The following GDPD5 variants were observed in gnomAD, a reference collection of about 807,000 sequenced individuals.
GDPD5 encodes glycerophosphodiester phosphodiesterase 2.
In GDPD5, 48 loss-of-function variants were observed where a neutral mutation model predicts 75.1. That is an observed-to-expected ratio of 0.64 (90% confidence interval 0.51 to 0.81). GDPD5 has a LOEUF of 0.81. Among genes scored for constraint, GDPD5 ranks in the 40% least tolerant of loss-of-function variants. The pLI is 0.00. For synonymous variants in GDPD5, 336 were observed against 339.0 expected, an observed-to-expected ratio of 0.99 and a Z score of 0.10; for missense variants, 706 against 822.6, an observed-to-expected ratio of 0.86 and a Z score of 1.73.
At chr11:75,476,343 C>G (rs1008616748) in intron 3 of GDPD5, among the ~76,000 whole-genome samples, 1 of 151,784 alleles carries the variant, frequency 6.6e-6, no homozygotes, top group Non-Finnish European at 1.5e-5. Context: ...CATCACATGT[C>G]ATGGCCCAGC....
chr11:75,511,384 T>C (rs1218541181), intron 1 of GDPD5, among the ~76,000 whole-genome samples: 2 of 152,198 alleles, frequency 1.3e-5, no homozygotes, highest in Non-Finnish European at 2.9e-5. Flanking sequence ...AGGAGTTGCA[T>C]GTTCAAATAA....
intron 6 of GDPD5, chr11:75,450,922 A>T (rs957111337): frequency 6.6e-6 from 1 of 151,360 alleles, no homozygotes; most frequent in Admixed American, 6.6e-5. Context: ...GTTTCTCCAG[A>T]CTCGTCTCCC....
chr11:75,524,645 A>G (rs565041212), intron 1 of GDPD5, among the ~76,000 whole-genome samples: 78 of 152,312 alleles, frequency 5.1e-4, no homozygotes, highest in Middle Eastern at 3.4e-3. Flanking sequence ...CAGGACCTCC[A>G]GAGTGTCTTA....
At chr11:75,472,181 G>T (rs781138043) in intron 3 of GDPD5, among the ~76,000 whole-genome samples, 1 of 152,018 alleles carries the variant, frequency 6.6e-6, no homozygotes, top group Non-Finnish European at 1.5e-5. Flanking sequence ...CCACAAGCAA[G>T]CTCAGGCCCA....
chr11:75,473,607 C>T lies in GDPD5; in HGVS notation c.117+4012G>A, dbSNP rs889420596. ...CAATTTGACCACAGTGTTCCTCACACAGCCCGAGCCTGGCTCAGGCCCCCG... is the reference window on the plus strand; with the variant it reads ...CAATTTGACCACAGTGTTCCTCACATAGCCCGAGCCTGGCTCAGGCCCCCG... On this transcript the variant is annotated intron_variant, in intron 3 of 16. Transcript: ENST00000336898. Among the ~76,000 whole-genome samples, 4 of 152,190 alleles carry T rather than the reference C, an allele frequency of 2.6e-5. No individual in the cohort carries two copies. In the East Asian group the frequency reaches 7.7e-4, roughly 29 times the overall value.
intron 9 of GDPD5, among the ~76,000 whole-genome samples, chr11:75,447,245 C>A (rs1206321398): frequency 6.6e-6 from 1 of 152,146 alleles, no homozygotes; most frequent in African/African-American, 2.4e-5. Flanking sequence ...TGCTGTGGAC[C>A]ACATTTGGAT....
At position 75,491,770 on chromosome 11, in the gene GDPD5, T is replaced by C. The variant is rs1156798912; in HGVS notation, c.-144-1450A>G. On this transcript the variant is annotated intron_variant, in intron 1 of 16. Coordinates refer to ENST00000336898, the MANE Select transcript of GDPD5 (RefSeq NM_030792.8). ...AATGTGGGGATTAAATTAGTTACCA[T>C]ATGTAAAACACTTAAAGTGACTATT... 3.3e-5 allele frequency among the ~76,000 whole-genome samples: 5 copies of C among 152,340 alleles called. No individual in the cohort carries two copies. The South Asian group carries it at 1.0e-3, about 32-fold the overall frequency.
At chr11:75,513,424 G>A (rs996077812) in intron 1 of GDPD5, among the ~76,000 whole-genome samples, 5 of 152,150 alleles carry the variant, frequency 3.3e-5, no homozygotes, top group Admixed American at 2.6e-4. Flanking sequence ...TCAGAGAGCC[G>A]GTGGGAGTCA....
chr11:75,513,924 C>T (rs1020116683), intron 1 of GDPD5, among the ~76,000 whole-genome samples: 12 of 152,204 alleles, frequency 7.9e-5, no homozygotes, highest in Non-Finnish European at 1.3e-4. Context: ...CCGCAGGGAC[C>T]CTCACCACTT....
chr11:75,489,334 T>G (rs1042211283), intron 2 of GDPD5, among the ~76,000 whole-genome samples: 1 of 152,242 alleles, frequency 6.6e-6, no homozygotes, highest in Admixed American at 6.5e-5. Context: ...TCACTACTCT[T>G]CACAGTCTTC....
intron 1 of GDPD5, among the ~76,000 whole-genome samples, chr11:75,493,332 T>C (rs1246622026): frequency 6.6e-6 from 1 of 151,732 alleles, no homozygotes; most frequent in African/African-American, 2.4e-5. Flanking sequence ...ATCCTAAACA[T>C]TCGCTCCTAA....
chr11:75,471,686 C>A (rs1949669287), intron 3 of GDPD5, among the ~76,000 whole-genome samples: 2 of 152,122 alleles, frequency 1.3e-5, no homozygotes, highest in South Asian at 4.1e-4. Flanking sequence ...CACCCTTGCT[C>A]AAGGTGTTCA....
At chr11:75,439,399 A>T in intron 15 of GDPD5, 1 of 456,042 alleles carries the variant, frequency 2.2e-6, no homozygotes, top group Non-Finnish European at 4.4e-6. Flanking sequence ...AGGGGGAGAG[A>T]GGAGGGACAT....
chr11:75,517,893 G>GA (rs940933384), intron 1 of GDPD5, among the ~76,000 whole-genome samples: 1 of 152,162 alleles, frequency 6.6e-6, no homozygotes, highest in South Asian at 2.1e-4. Flanking sequence ...GTCCGGGTTG[G>GA]AAAAACAAGC....
chr11:75,470,786 G>A (rs1195486190), intron 3 of GDPD5, among the ~76,000 whole-genome samples: 1 of 152,224 alleles, frequency 6.6e-6, no homozygotes, highest in African/African-American at 2.4e-5. Context: ...CCAAATGGAT[G>A]CTTCAGCTGT....
At chr11:75,436,438 C>T (rs1247791837) in intron 16 of GDPD5, among the ~76,000 whole-genome samples, 4 of 152,198 alleles carry the variant, frequency 2.6e-5, no homozygotes, top group Non-Finnish European at 5.9e-5. Context: ...CCAAAGCCTT[C>T]CTCACTGCCC....
chr11:75,441,455 A>T lies in GDPD5; in HGVS notation c.1326-145T>A, dbSNP rs559824925. 52 of 1,233,016 alleles carry T rather than the reference A, an allele frequency of 4.2e-5. No homozygotes were observed. The East Asian group carries it at 1.2e-3, about 29-fold the overall frequency. 76.4% of individuals were successfully genotyped at this position (1,233,016 alleles called of 1,614,324 possible). On this transcript the variant is annotated intron_variant, in intron 13 of 16. Transcript: ENST00000336898. ...TGGCTCCAGAGGGCCAAGCTCCGGGACAAGCCCGGGTCTGCCCGACACGCT... is the reference window on the plus strand; with the variant it reads ...TGGCTCCAGAGGGCCAAGCTCCGGGTCAAGCCCGGGTCTGCCCGACACGCT...
chr11:75,505,123 GAA>G (rs200953760), intron 1 of GDPD5, among the ~76,000 whole-genome samples: 3 of 142,738 alleles, frequency 2.1e-5, no homozygotes, highest in African/African-American at 7.7e-5. Context: ...CTCCATCTCA[GAA>G]AAAAAAAAAC....
intron 10 of GDPD5, 31 bp from the exon 11 acceptor site, chr11:75,443,317 G>A (rs1194526724): frequency 6.3e-7 from 1 of 1,582,500 alleles, no homozygotes; most frequent in African/African-American, 1.3e-5. Flanking sequence ...CCGAGTCAGT[G>A]ACCCCCCAGA....
Sources: allele counts gnomAD v4.1 joint callset (sites outside exome capture counted in the v4.1 genomes callset), GRCh38; gene constraint gnomAD v4.1.1; transcripts MANE v1.5; gene names NCBI Gene and HGNC (gene_info 2026-07-23, HGNC 2026-07-21).